Variants in KCNQ1 observed in about 807,000 individuals in gnomAD.
KCNQ1 encodes the protein potassium voltage-gated channel subfamily Q member 1.
A neutral mutation model predicts 72.4 loss-of-function variants in KCNQ1; 49 were observed. The observed-to-expected ratio is 0.68, with a 90% confidence interval of 0.54 to 0.86. The LOEUF (loss-of-function observed/expected upper bound fraction) is 0.86. Ranked by LOEUF, KCNQ1 falls within the 40% of genes least tolerant of loss-of-function variation. The probability of loss-of-function intolerance (pLI) is 0.00; values close to 1 mark genes in which losing one functional copy is unlikely to be tolerated. For synonymous variants in KCNQ1, 450 were observed against 412.6 expected (o/e 1.09, Z -1.10); for missense variants, 790 against 945.1 (o/e 0.84, Z 2.15).
rs1046231793 is a variant in KCNQ1, at chr11:2,468,084, G to A, written c.386+22600G>A. On this transcript the variant is annotated intron_variant, in intron 1 of 15. Transcript: ENST00000155840. This position sits in a 1 kb window ranked among gnomAD's most constrained non-coding sequence, Gnocchi z 5.7. ...TTAGCCACGTGCTTAGACTGTGCCC[G>A]GAAAATGCACTGTCTCTCCTGGGCT... 3.9e-5 allele frequency among the ~76,000 whole-genome samples: 6 copies of A among 152,270 alleles called. No individual in the cohort carries two copies. Among genetic ancestry groups the A allele is most frequent in the African/African-American group, 9.6e-5 (4 of 41,476 alleles).
At chr11:2,757,973 T>C (rs866938916) in intron 11 of KCNQ1, among the ~76,000 whole-genome samples, 23 of 151,974 alleles carry the variant, frequency 1.5e-4, no homozygotes, top group Middle Eastern at 6.8e-3. Flanking sequence ...AGAAAAAACA[T>C]AGAGGAGATA....
Position 2,768,812 on chromosome 11 carries a change from A to T in KCNQ1, c.1515-32A>T, listed in dbSNP as rs771954986. ...AGGGGATGACCAGCACAGGGTGGCC[A>T]CTCACAATCTCCTCTCCTCTCTCCA... On this transcript the variant is annotated intron_variant, in intron 11 of 15. Coordinates refer to ENST00000155840, the MANE Select transcript of KCNQ1 (RefSeq NM_000218.3). This position sits in a 1 kb window ranked among gnomAD's most constrained non-coding sequence, Gnocchi z 6.7. The T allele has an allele frequency of 2.6e-5, 41 of 1,584,346 alleles. No individual in the cohort carries two copies. In the East Asian group the frequency reaches 8.9e-4, roughly 35 times the overall value.
chr11:2,802,037 C>T (rs935601545), intron 15 of KCNQ1, among the ~76,000 whole-genome samples: 3 of 152,338 alleles, frequency 2.0e-5, no homozygotes, highest in Admixed American at 6.5e-5. Context: ...TGGCTGGAGG[C>T]GATTTCGCCA....
intron 2 of KCNQ1, among the ~76,000 whole-genome samples, chr11:2,557,799 G>T (rs774431157): frequency 1.7e-4 from 26 of 152,244 alleles, no homozygotes; most frequent in Non-Finnish European, 3.1e-4. Flanking sequence ...CCCAGGTTCA[G>T]TTGGGGAGGA....
intron 1 of KCNQ1, among the ~76,000 whole-genome samples, chr11:2,470,821 T>C (rs137922521): frequency 1.7e-4 from 26 of 152,310 alleles, no homozygotes; most frequent in African/African-American, 6.0e-4. Flanking sequence ...AGTGCCCTTT[T>C]AGAGAGCAAA....
chr11:2,510,016 A>G (rs887363865), intron 1 of KCNQ1, among the ~76,000 whole-genome samples: 1 of 152,122 alleles, frequency 6.6e-6, no homozygotes. Context: ...AGGCCTGTCA[A>G]TCCAGTACAC....
chr11:2,522,221 C>T (rs1340650171), intron 1 of KCNQ1, among the ~76,000 whole-genome samples: 4 of 152,126 alleles, frequency 2.6e-5, no homozygotes, highest in African/African-American at 7.2e-5. Context: ...CGCATGACCA[C>T]GCCCTCTTGG....
intron 10 of KCNQ1, chr11:2,656,717 TAACTC>T (rs1849855882): frequency 2.5e-6 from 1 of 398,530 alleles, no homozygotes; most frequent in Non-Finnish European, 4.4e-6. Flanking sequence ...GATTGGGTCT[TAACTC>T]TAATGTCAAA....
At chr11:2,633,399 G>GC in intron 10 of KCNQ1, 2 of 398,328 alleles carry the variant, frequency 5.0e-6, no homozygotes, top group Non-Finnish European at 8.9e-6. Context: ...GTCTATTTTT[G>GC]TTTTTGTTGC....
In KCNQ1 at chr11:2,447,237, T is replaced by C. The variant is rs2133562846; in HGVS notation, c.386+1753T>C. ...GTCTCGGAAGTTTGCTCAGCAAGAG[T>C]CTACCTTCGCCCAGCCTCCGCAGAG... On this transcript the variant is annotated intron_variant, in intron 1 of 15. Coordinates refer to ENST00000155840, the MANE Select transcript of KCNQ1 (RefSeq NM_000218.3). The surrounding 1 kb of genome is among the most constrained non-coding windows in gnomAD (Gnocchi z 7.6). Among the ~76,000 whole-genome samples, 1 of 151,984 alleles carries C rather than the reference T, an allele frequency of 6.6e-6. No homozygotes were observed. Among genetic ancestry groups the C allele is most frequent in the South Asian group, 2.1e-4 (1 of 4,810 alleles).
In KCNQ1 at chr11:2,565,929, C is replaced by T. The variant is rs369260825; in HGVS notation, c.478-4699C>T. On this transcript the variant is annotated intron_variant, in intron 2 of 15. Coordinates refer to ENST00000155840, the MANE Select transcript of KCNQ1 (RefSeq NM_000218.3). The surrounding 1 kb of genome is among the most constrained non-coding windows in gnomAD (Gnocchi z 5.6). ...TCCTGGTGGCTCTTGTGCCTGCACC[C>T]GCCTTGGGGCCATCTGACACCCACA... 2.6e-5 allele frequency among the ~76,000 whole-genome samples: 4 copies of T among 152,268 alleles called. No individual in the cohort carries two copies. The highest frequency in any genetic ancestry group is 1.9e-4 in the East Asian group (1 of 5,164).
intron 10 of KCNQ1, chr11:2,630,487 C>T (rs373576802): frequency 3.8e-5 from 15 of 398,118 alleles, no homozygotes; most frequent in Middle Eastern, 6.2e-4. Flanking sequence ...ATACTTCCCC[C>T]GCTACATTTT....
intron 2 of KCNQ1, among the ~76,000 whole-genome samples, chr11:2,546,778 G>A (rs555892696): frequency 5.3e-5 from 8 of 152,168 alleles, no homozygotes; most frequent in South Asian, 4.1e-4. Context: ...TTGAAGCTTC[G>A]TTCTTGGGTG....
chr11:2,503,609 GC>G (rs1847051418), intron 1 of KCNQ1, among the ~76,000 whole-genome samples: 1 of 151,794 alleles, frequency 6.6e-6, no homozygotes, highest in Admixed American at 6.6e-5. Context: ...GTTAATGGGT[GC>G]AGCACACCAA....
intron 10 of KCNQ1, chr11:2,618,077 G>A (rs1056542988): frequency 2.0e-5 from 8 of 398,268 alleles, no homozygotes; most frequent in African/African-American, 1.6e-4. Flanking sequence ...CTGAGCTTTT[G>A]GTGTGATCTC....
chr11:2,788,534 C>T lies in KCNQ1; in HGVS notation c.1794+10497C>T, dbSNP rs550135596. 2.4e-4 allele frequency among the ~76,000 whole-genome samples: 36 copies of T among 152,084 alleles called. No individual in the cohort carries two copies. The South Asian group carries it at 6.6e-3, about 28-fold the overall frequency. The stretch of plus-strand genomic sequence containing the variant: ...ACCTGCCTCTCCTCGGCAGCTCCCC[C>T]TCCCCTCTGCACCACCCCCCGCCCC... On this transcript the variant is annotated intron_variant, in intron 15 of 15. Coordinates refer to ENST00000155840, the MANE Select transcript of KCNQ1 (RefSeq NM_000218.3).
chr11:2,776,939 C>CAGTG (rs1846714894), intron 13 of KCNQ1, 47 bp from the exon 14 acceptor site: 1 of 1,582,768 alleles, frequency 6.3e-7, no homozygotes, highest in Admixed American at 1.7e-5. Context: ...TGCATCTGCG[C>CAGTG]AGTGCCAGGG....
intron 10 of KCNQ1, chr11:2,649,707 C>T (rs911794076): frequency 2.0e-5 from 8 of 398,344 alleles, no homozygotes; most frequent in Non-Finnish European, 3.5e-5. Flanking sequence ...TGACTTCATG[C>T]TTCTCTCTTG....
At position 2,495,000 on chromosome 11, in the gene KCNQ1, A is replaced by G. The variant is rs955897662; in HGVS notation, c.387-32928A>G. Among the ~76,000 whole-genome samples, 1 of 152,168 alleles carries G rather than the reference A, an allele frequency of 6.6e-6. No homozygotes were observed. Among genetic ancestry groups the G allele is most frequent in the African/African-American group, 2.4e-5 (1 of 41,430 alleles). ...TTTTTTGGTTGGCAGGCTATTAATT[A>G]CTGCCTCAATTTCAGAACTTGTTGT... On this transcript the variant is annotated intron_variant, in intron 1 of 15. Coordinates refer to ENST00000155840, the MANE Select transcript of KCNQ1 (RefSeq NM_000218.3). This position sits in a 1 kb window ranked among gnomAD's most constrained non-coding sequence, Gnocchi z 4.6.
Sources: allele counts gnomAD v4.1 joint callset (sites outside exome capture counted in the v4.1 genomes callset), GRCh38; gene constraint gnomAD v4.1.1; non-coding constraint Gnocchi (gnomAD v3.1); transcripts MANE v1.5; gene names NCBI Gene and HGNC (gene_info 2026-07-23, HGNC 2026-07-21).